The following CCDC148 variants were observed in gnomAD, a reference collection of about 807,000 sequenced individuals.
CCDC148 encodes the protein coiled-coil domain containing 148.
In CCDC148, 89 loss-of-function variants were observed where a neutral mutation model predicts 85.7. The observed-to-expected ratio is 1.04, with a 90% CI of 0.87 to 1.24. CCDC148 has a LOEUF of 1.24. Ranked by LOEUF, CCDC148 falls within the 50% of genes most tolerant of loss-of-function variation. The pLI is 0.00. For synonymous variants in CCDC148, 230 were observed against 213.9 expected, an observed-to-expected ratio of 1.08 and a Z score of -0.66; for missense variants, 692 against 671.7, an observed-to-expected ratio of 1.03 and a Z score of -0.33.
intron 1 of CCDC148, among the ~76,000 whole-genome samples, chr2:158,384,761 C>T (rs1344687984): frequency 6.6e-6 from 1 of 152,040 alleles, no homozygotes; most frequent in Non-Finnish European, 1.5e-5. Flanking sequence ...TCAAATTATC[C>T]CAAATTTAGC....
chr2:158,363,024 G>A (rs1176494193), intron 1 of CCDC148, among the ~76,000 whole-genome samples: 2 of 152,154 alleles, frequency 1.3e-5, no homozygotes, highest in Non-Finnish European at 2.9e-5. Context: ...TACCATCACA[G>A]AATACTATAA....
At chr2:158,435,847 C>G (rs965367067) in intron 1 of CCDC148, among the ~76,000 whole-genome samples, 8 of 152,150 alleles carry the variant, frequency 5.3e-5, no homozygotes, top group African/African-American at 1.9e-4. Flanking sequence ...ATAAAACAGA[C>G]TTTGAACCGA....
At chr2:158,197,954 A>G (rs569430263) in intron 11 of CCDC148, among the ~76,000 whole-genome samples, 1 of 152,126 alleles carries the variant, frequency 6.6e-6, no homozygotes, top group Non-Finnish European at 1.5e-5. Flanking sequence ...AAAAAGTCAG[A>G]ATTAACCCTA....
intron 11 of CCDC148, among the ~76,000 whole-genome samples, chr2:158,206,054 A>G (rs1054407701): frequency 1.3e-4 from 20 of 152,128 alleles, no homozygotes; most frequent in African/African-American, 4.3e-4. Flanking sequence ...TGTCAAGCAG[A>G]TACATGTGGT....
intron 9 of CCDC148, among the ~76,000 whole-genome samples, chr2:158,279,581 GA>G (rs1267347539): frequency 3.9e-5 from 6 of 152,034 alleles, no homozygotes; most frequent in African/African-American, 1.4e-4. Context: ...AGAGAAAAAA[GA>G]ATAAAAAGAA....
chr2:158,270,897 C>T lies in CCDC148; in HGVS notation c.1111-19985G>A, dbSNP rs1689668763. Among the ~76,000 whole-genome samples the T allele has an allele frequency of 2.0e-5, 3 of 152,276 alleles. 1 individual carries two copies. The East Asian group carries it at 5.8e-4, about 29-fold the overall frequency. On this transcript the variant is annotated intron_variant, in intron 9 of 13. Coordinates refer to ENST00000283233, the MANE Select transcript of CCDC148 (RefSeq NM_138803.4). ...CAGAAGCCACATATGTGCACCCTAT[C>T]AGAGGATAGTTCCTGAATTTCATTC... is the stretch of plus-strand genomic sequence containing the variant.
intron 7 of CCDC148, among the ~76,000 whole-genome samples, chr2:158,323,266 G>A (rs1692604468): frequency 6.6e-6 from 1 of 152,174 alleles, no homozygotes; most frequent in South Asian, 2.1e-4. Flanking sequence ...AAATTAAGAT[G>A]TGTTCTAAAT....
At chr2:158,227,942 A>G (rs1338142251) in intron 10 of CCDC148, among the ~76,000 whole-genome samples, 1 of 152,092 alleles carries the variant, frequency 6.6e-6, no homozygotes, top group Non-Finnish European at 1.5e-5. Context: ...GCAACAAAAG[A>G]CAAAATTGAC....
intron 11 of CCDC148, among the ~76,000 whole-genome samples, chr2:158,219,053 T>C (rs901916326): frequency 1.3e-5 from 2 of 152,172 alleles, no homozygotes; most frequent in Non-Finnish European, 2.9e-5. Context: ...GTGAATCTCA[T>C]TGTATCAAAT....
At chr2:158,210,330 C>G (rs1292651584) in intron 11 of CCDC148, among the ~76,000 whole-genome samples, 1 of 152,216 alleles carries the variant, frequency 6.6e-6, no homozygotes, top group African/African-American at 2.4e-5. Context: ...TAGAGATCTA[C>G]AAAGAGACTT....
chr2:158,324,293 G>GCTATATATAGCCTT (rs1692661054), intron 7 of CCDC148, among the ~76,000 whole-genome samples: 1 of 151,874 alleles, frequency 6.6e-6, no homozygotes, highest in Admixed American at 6.6e-5. Context: ...TAGATGTAAC[G>GCTATATATAGCCTT]CTTTCAGAAG....
chr2:158,424,406 T>C (rs1686969560), intron 1 of CCDC148, among the ~76,000 whole-genome samples: 2 of 152,182 alleles, frequency 1.3e-5, no homozygotes, highest in African/African-American at 4.8e-5. Flanking sequence ...GATGAGTTCA[T>C]GTCCTTTGTA....
At chr2:158,391,030 C>T (rs1389586801) in intron 1 of CCDC148, among the ~76,000 whole-genome samples, 1 of 152,142 alleles carries the variant, frequency 6.6e-6, no homozygotes, top group East Asian at 1.9e-4. Flanking sequence ...CAGGGGTGAA[C>T]ATACACATAC....
intron 7 of CCDC148, among the ~76,000 whole-genome samples, chr2:158,319,935 C>T (rs183866415): frequency 5.1e-4 from 78 of 152,252 alleles, no homozygotes; most frequent in African/African-American, 1.7e-3. Flanking sequence ...AAGACAAGAT[C>T]ATCTAGAAAT....
At chr2:158,294,490 T>C (rs1691074852) in intron 9 of CCDC148, among the ~76,000 whole-genome samples, 1 of 152,068 alleles carries the variant, frequency 6.6e-6, no homozygotes, top group Admixed American at 6.5e-5. Context: ...TTTAATAGTA[T>C]AAGGAACTGC....
intron 1 of CCDC148, among the ~76,000 whole-genome samples, chr2:158,383,762 T>C (rs1684973841): frequency 6.6e-6 from 1 of 152,148 alleles, no homozygotes; most frequent in Non-Finnish European, 1.5e-5. Context: ...GACATTCTAC[T>C]ACATAACCAC....
intron 10 of CCDC148, among the ~76,000 whole-genome samples, chr2:158,241,060 G>A (rs1688331032): frequency 6.6e-6 from 1 of 152,134 alleles, no homozygotes; most frequent in Non-Finnish European, 1.5e-5. Flanking sequence ...TCTAGGCATG[G>A]ATGAGAACAA....
rs147108211 is a variant in CCDC148 at position 158,425,284 on chromosome 2, A to G, written c.25+31131T>C. ...GCATCTCCAGGGGGTCGCAATCACC[A>G]AAACAATCACCAGCCATACTAAAGG... On this transcript the variant is annotated intron_variant, in intron 1 of 13. Transcript: ENST00000283233. The G allele has an allele frequency of 6.2e-3, 3,304 of 537,054 alleles. 29 individuals carry two copies. The highest frequency in any genetic ancestry group is 0.021 in the Middle Eastern group (35 of 1,704). 33.3% of individuals were successfully genotyped at this position (537,054 alleles called of 1,614,324 possible).
At chr2:158,229,929 G>A (rs1687767502) in intron 10 of CCDC148, among the ~76,000 whole-genome samples, 1 of 152,142 alleles carries the variant, frequency 6.6e-6, no homozygotes, top group South Asian at 2.1e-4. Context: ...TTTTTCCCAT[G>A]TGCACATCTT....
Sources: allele counts gnomAD v4.1 joint callset (sites outside exome capture counted in the v4.1 genomes callset), GRCh38; gene constraint gnomAD v4.1.1; transcripts MANE v1.5; gene names NCBI Gene and HGNC (gene_info 2026-07-23, HGNC 2026-07-21).